SLC26A7: variants seen among roughly 807,000 people sequenced by gnomAD.
The protein encoded by SLC26A7 is solute carrier family 26 member 7.
In SLC26A7, 59 loss-of-function variants were observed where a neutral mutation model predicts 82.5. The ratio of observed to expected loss-of-function variants is 0.72; its 90% CI spans 0.58 to 0.89. The LOEUF (loss-of-function observed/expected upper bound fraction) is 0.89, where lower values mean the gene tolerates loss of function less well. Among genes scored for constraint, SLC26A7 ranks in the 40% least tolerant of loss-of-function variants. The pLI, the probability that SLC26A7 is intolerant of heterozygous loss-of-function variation, is 0.00. For synonymous variants in SLC26A7, 271 were observed against 274.3 expected, an observed-to-expected ratio of 0.99 and a Z score of 0.12; for missense variants, 820 against 793.0, an observed-to-expected ratio of 1.03 and a Z score of -0.41.
intron 2 of SLC26A7, among the ~76,000 whole-genome samples, chr8:91,253,479 A>G (rs1810716037): frequency 6.6e-6 from 1 of 151,966 alleles, no homozygotes; most frequent in East Asian, 1.9e-4. Flanking sequence ...TTCTGTCTCC[A>G]CCTGTAGGCC....
At chr8:91,298,141 T>C (rs1205011407) in intron 4 of SLC26A7, among the ~76,000 whole-genome samples, 2 of 152,126 alleles carry the variant, frequency 1.3e-5, no homozygotes, top group African/African-American at 4.8e-5. Flanking sequence ...CTAATCAGCT[T>C]TCTGTTATTA....
At chr8:91,378,906 ATAAT>A (rs1454035222) in intron 15 of SLC26A7, among the ~76,000 whole-genome samples, 1 of 152,114 alleles carries the variant, frequency 6.6e-6, no homozygotes, top group Non-Finnish European at 1.5e-5. Context: ...CACACATGAA[ATAAT>A]TGTTTATTTA....
At position 91,256,836 on chromosome 8, in the gene SLC26A7, G is replaced by A. The variant is rs112530354; in HGVS notation, c.193+6992G>A. Among the ~76,000 whole-genome samples, 403 of 152,174 alleles carry A rather than the reference G, an allele frequency of 2.6e-3. 2 individuals carry two copies. Among genetic ancestry groups the A allele is most frequent in the African/African-American group, 9.0e-3 (372 of 41,538 alleles). ...AAGATTGATATTATTCTACTGAAGA[G>A]CATCTCATGAAAATATGAGCTCTGA... On this transcript the variant is annotated intron_variant, in intron 2 of 18. Coordinates refer to ENST00000276609, the MANE Select transcript of SLC26A7 (RefSeq NM_052832.4).
chr8:91,334,145 G>A lies in SLC26A7; in HGVS notation c.643-150G>A, dbSNP rs564833809. 113 of 679,868 alleles carry A rather than the reference G, an allele frequency of 1.7e-4. No homozygotes were observed. The African/African-American group carries it at 1.8e-3, about 11-fold the overall frequency. 42.1% of individuals were successfully genotyped at this position (679,868 alleles called of 1,614,324 possible). A position where few individuals can be genotyped will look rare whatever the true frequency, so the allele number is the denominator to read the frequency against. ...AGATGTAAATAAATACATAGCATTAGCACTGACTACCCGCCTACCTATATC... is the reference window on the plus strand; with the variant it reads ...AGATGTAAATAAATACATAGCATTAACACTGACTACCCGCCTACCTATATC... On this transcript the variant is annotated intron_variant, in intron 5 of 18. Coordinates refer to ENST00000276609, the MANE Select transcript of SLC26A7 (RefSeq NM_052832.4).
chr8:91,268,681 A>T (rs1811181282), intron 2 of SLC26A7, among the ~76,000 whole-genome samples: 1 of 151,662 alleles, frequency 6.6e-6, no homozygotes, highest in Non-Finnish European at 1.5e-5. Flanking sequence ...GTTATTATTG[A>T]TAGGTAAGGA....
At chr8:91,284,230 A>G (rs77601297) in intron 2 of SLC26A7, among the ~76,000 whole-genome samples, 4,620 of 152,280 alleles carry the variant, frequency 0.03, 98 homozygotes, top group African/African-American at 0.051. Flanking sequence ...GGTGGGTTAG[A>G]TCATCTGGGA....
intron 2 of SLC26A7, among the ~76,000 whole-genome samples, chr8:91,242,832 A>C (rs1810492265): frequency 6.6e-6 from 1 of 152,200 alleles, no homozygotes; most frequent in African/African-American, 2.4e-5. Context: ...TACAGATAAC[A>C]AAATTTGGAG....
chr8:91,283,000 C>T (rs1208834056), intron 2 of SLC26A7, among the ~76,000 whole-genome samples: 1 of 152,064 alleles, frequency 6.6e-6, no homozygotes, highest in Non-Finnish European at 1.5e-5. Flanking sequence ...GTCAGTAATT[C>T]CCCCTTTATT....
intron 11 of SLC26A7, among the ~76,000 whole-genome samples, chr8:91,361,096 TTA>T: frequency 6.6e-6 from 1 of 152,232 alleles, no homozygotes; most frequent in East Asian, 1.9e-4. Flanking sequence ...ATTCTCTCTT[TTA>T]CTCCATAATG....
chr8:91,281,435 C>G (rs1811570312), intron 2 of SLC26A7, among the ~76,000 whole-genome samples: 1 of 152,166 alleles, frequency 6.6e-6, no homozygotes, highest in Admixed American at 6.5e-5. Flanking sequence ...TATCCAGAAG[C>G]ATCAAAACCC....
chr8:91,289,938 C>T (rs1811819722), intron 3 of SLC26A7, among the ~76,000 whole-genome samples: 1 of 152,018 alleles, frequency 6.6e-6, no homozygotes, highest in Non-Finnish European at 1.5e-5. Context: ...TTGTTGTTTG[C>T]TATTTACATG....
At chr8:91,311,593 A>T (rs1279443354) in intron 4 of SLC26A7, among the ~76,000 whole-genome samples, 2 of 152,194 alleles carry the variant, frequency 1.3e-5, no homozygotes, top group Non-Finnish European at 2.9e-5. Flanking sequence ...CACCATTTGT[A>T]AACCAAGTAG....
chr8:91,259,520 A>G (rs1257936080), intron 2 of SLC26A7, among the ~76,000 whole-genome samples: 2 of 152,104 alleles, frequency 1.3e-5, no homozygotes, highest in Non-Finnish European at 2.9e-5. Flanking sequence ...CTCTCATTGC[A>G]CAGGATTAGA....
chr8:91,218,154 C>T (rs901510047), intron 1 of SLC26A7, among the ~76,000 whole-genome samples: 2 of 152,056 alleles, frequency 1.3e-5, no homozygotes, highest in African/African-American at 4.8e-5. Flanking sequence ...AACTAAGCAG[C>T]GTTATCAACC....
At chr8:91,325,530 T>C (rs1812908406) in intron 5 of SLC26A7, among the ~76,000 whole-genome samples, 2 of 152,128 alleles carry the variant, frequency 1.3e-5, no homozygotes, top group South Asian at 2.1e-4. Context: ...CAGAATCAAG[T>C]TGAAAGGCGT....
chr8:91,272,365 A>G (rs115730425), intron 2 of SLC26A7, among the ~76,000 whole-genome samples: 4,557 of 152,262 alleles, frequency 0.03, 92 homozygotes, highest in African/African-American at 0.049. Flanking sequence ...TTAATAATAG[A>G]TGTTTGCAAT....
At position 91,289,250 on chromosome 8, in the gene SLC26A7, A is replaced by G; in HGVS notation, c.304+4A>G. The stretch of plus-strand genomic sequence containing the variant: ...ATGGGACATCATGTTGCCACAGGTA[A>G]TAATTCCTATGTTTATGCTTCTAAT... On this transcript the variant is annotated splice_donor_region_variant and intron_variant, in intron 3 of 18. Transcript: ENST00000276609. 1 of 1,593,128 alleles carries G rather than the reference A, an allele frequency of 6.3e-7. No individual in the cohort carries two copies. Among genetic ancestry groups the G allele is most frequent in the Non-Finnish European group, 8.6e-7 (1 of 1,160,990 alleles).
chr8:91,380,470 A>C (rs1158302491), intron 15 of SLC26A7, among the ~76,000 whole-genome samples: 1 of 152,172 alleles, frequency 6.6e-6, no homozygotes, highest in Non-Finnish European at 1.5e-5. Context: ...TGATGTGGAC[A>C]ATCATCTCCG....
chr8:91,350,019 A>G (rs1813669822), intron 9 of SLC26A7, among the ~76,000 whole-genome samples: 2 of 152,162 alleles, frequency 1.3e-5, no homozygotes, highest in Admixed American at 1.3e-4. Context: ...GATAGTGACA[A>G]TTTGGTGTAC....
Sources: gnomAD v4.1 joint callset for allele counts (sites outside exome capture counted in the v4.1 genomes callset) on GRCh38, gnomAD v4.1.1 for gene constraint, MANE v1.5 for transcripts, NCBI Gene and HGNC (gene_info 2026-07-23, HGNC 2026-07-21) for gene names.